Variants in INPP4B observed in about 807,000 individuals in gnomAD.
The protein encoded by INPP4B is inositol polyphosphate-4-phosphatase type II B, also known as inositol polyphosphate 4-phosphatase type II.
INPP4B carries 55 observed loss-of-function variants against 122.5 expected under a neutral mutation model. That is an observed-to-expected ratio of 0.45 (90% CI 0.36 to 0.56). The LOEUF (loss-of-function observed/expected upper bound fraction) is 0.56. INPP4B is among the 20% of genes least tolerant of loss of function. The pLI is 0.00. For synonymous variants in INPP4B, 403 were observed against 388.7 expected (o/e 1.04, Z -0.43); for missense variants, 1,000 against 1,097.7 (o/e 0.91, Z 1.26).
intron 2 of INPP4B, among the ~76,000 whole-genome samples, chr4:142,609,507 C>T (rs1276056004): frequency 6.6e-6 from 1 of 152,128 alleles, no homozygotes; most frequent in Non-Finnish European, 1.5e-5. Context: ...CCATGTTAGC[C>T]TCACATTGGT....
chr4:142,655,606 A>C (rs1753977552), intron 2 of INPP4B, among the ~76,000 whole-genome samples: 2 of 152,206 alleles, frequency 1.3e-5, no homozygotes, highest in African/African-American at 4.8e-5. Flanking sequence ...GTCTACGATT[A>C]AGTAACAAGA....
At chr4:142,395,243 GAAA>G (rs1041523924) in intron 7 of INPP4B, among the ~76,000 whole-genome samples, 5 of 152,134 alleles carry the variant, frequency 3.3e-5, no homozygotes, top group African/African-American at 9.7e-5. Flanking sequence ...AAATTCCAGA[GAAA>G]AGGAAATGAA....
chr4:142,266,981 T>C (rs1235244960), intron 10 of INPP4B, among the ~76,000 whole-genome samples: 1 of 152,134 alleles, frequency 6.6e-6, no homozygotes, highest in East Asian at 1.9e-4. Flanking sequence ...AAAAAAATAC[T>C]TATAAGTAAA....
At chr4:142,493,275 G>A (rs777468243) in intron 2 of INPP4B, among the ~76,000 whole-genome samples, 1 of 152,212 alleles carries the variant, frequency 6.6e-6, no homozygotes, top group Non-Finnish European at 1.5e-5. Flanking sequence ...CCCTGTGGAA[G>A]GGAAATGTGG....
chr4:142,248,141 C>T (rs1729876003), intron 11 of INPP4B, among the ~76,000 whole-genome samples: 2 of 152,128 alleles, frequency 1.3e-5, no homozygotes, highest in South Asian at 4.2e-4. Flanking sequence ...TGCTGACCAC[C>T]CCCATCCCAA....
At chr4:142,326,010 G>T (rs1772220972) in intron 7 of INPP4B, among the ~76,000 whole-genome samples, 1 of 152,198 alleles carries the variant, frequency 6.6e-6, no homozygotes, top group South Asian at 2.1e-4. Context: ...TACAGGATCT[G>T]CTGAAAATAA....
chr4:142,061,677 C>T (rs1760697545), intron 25 of INPP4B, among the ~76,000 whole-genome samples: 1 of 151,426 alleles, frequency 6.6e-6, no homozygotes, highest in South Asian at 2.1e-4. Flanking sequence ...TCAGGAGTCA[C>T]AACGATTGGG....
At chr4:142,691,467 G>A (rs1335445949) in intron 2 of INPP4B, among the ~76,000 whole-genome samples, 1 of 151,732 alleles carries the variant, frequency 6.6e-6, no homozygotes, top group East Asian at 1.9e-4. Flanking sequence ...GTCAAACTAT[G>A]ATGTACCTTT....
intron 25 of INPP4B, among the ~76,000 whole-genome samples, chr4:142,069,159 G>C (rs1332880612): frequency 3.3e-5 from 5 of 152,110 alleles, no homozygotes; most frequent in Non-Finnish European, 5.9e-5. Context: ...AATCAAACTA[G>C]AACTCAGGAT....
intron 1 of INPP4B, among the ~76,000 whole-genome samples, chr4:142,793,978 T>A (rs1776890026): frequency 6.6e-6 from 1 of 152,110 alleles, no homozygotes; most frequent in Non-Finnish European, 1.5e-5. Context: ...ATGTCAGTTC[T>A]ACTCAAATTG....
Position 142,112,638 on chromosome 4 carries a change from T to A in INPP4B, c.2180A>T (p.Glu727Val). 2.5e-6 allele frequency: 4 copies of A among 1,613,044 alleles called. No homozygotes were observed. Among genetic ancestry groups the A allele is most frequent in the Non-Finnish European group, 3.4e-6 (4 of 1,179,372 alleles). The stretch of plus-strand genomic sequence containing the variant: ...TTCTTTAATCTGTAGAGGTAGTGAC[T>A]CAAACATTCTGGCTGGAAGCTTGAC... ...VEVKLPARMFESLPLQIKEGQ... is the reference protein window; with the variant it reads ...VEVKLPARMFVSLPLQIKEGQ... The change falls in exon 22 of 26, where the codon GAG (glutamate) becomes GTG (valine). Residue 727 changes from glutamate (E) to valine (V), a missense_variant. Physicochemically the swap from Glu to Val is moderately radical, Grantham distance 121. Coordinates refer to ENST00000262992, the MANE Select transcript of INPP4B (RefSeq NM_001101669.3).
chr4:142,129,138 G>A (rs1800044303), intron 18 of INPP4B, among the ~76,000 whole-genome samples: 2 of 152,190 alleles, frequency 1.3e-5, no homozygotes, highest in Admixed American at 6.5e-5. Flanking sequence ...GTAACAAGAT[G>A]ATGAACTGTG....
At chr4:142,476,265 T>C (rs1381514279) in intron 2 of INPP4B, among the ~76,000 whole-genome samples, 1 of 152,218 alleles carries the variant, frequency 6.6e-6, no homozygotes, top group African/African-American at 2.4e-5. Context: ...AGAAATAAGA[T>C]ACTTTTCAGA....
At chr4:142,249,167 A>C (rs1194903889) in intron 11 of INPP4B, among the ~76,000 whole-genome samples, 1 of 152,176 alleles carries the variant, frequency 6.6e-6, no homozygotes, top group South Asian at 2.1e-4. Flanking sequence ...TTGGATTCCA[A>C]CTCACACAGT....
chr4:142,228,658 ATAAAGT>A (rs10594384), intron 12 of INPP4B, among the ~76,000 whole-genome samples: 24,624 of 151,792 alleles, frequency 0.16, 2,074 homozygotes, highest in South Asian at 0.27. Context: ...TGATCTCAGA[ATAAAGT>A]TAAACTTTCT....
intron 9 of INPP4B, among the ~76,000 whole-genome samples, chr4:142,304,205 A>G (rs938398241): frequency 1.3e-5 from 2 of 152,072 alleles, no homozygotes; most frequent in Non-Finnish European, 1.5e-5. Flanking sequence ...GAATGATGAT[A>G]TTTTCTAGGT....
At chr4:142,743,838 C>A (rs1768256631) in intron 1 of INPP4B, among the ~76,000 whole-genome samples, 1 of 151,404 alleles carries the variant, frequency 6.6e-6, no homozygotes, top group African/African-American at 2.4e-5. Context: ...AAATGTATAC[C>A]CTGGGATACA....
At chr4:142,783,749 G>A (rs139179768) in intron 1 of INPP4B, among the ~76,000 whole-genome samples, 76 of 152,184 alleles carry the variant, frequency 5.0e-4, no homozygotes, top group African/African-American at 1.2e-3. Context: ...TTCATGTAGC[G>A]TATTACTTGC....
chr4:142,723,216 T>A (rs1444892318), intron 2 of INPP4B, among the ~76,000 whole-genome samples: 1 of 152,112 alleles, frequency 6.6e-6, no homozygotes, highest in Admixed American at 6.5e-5. Flanking sequence ...GCTGAATTCT[T>A]AATATGCTAT....
Sources: gnomAD v4.1 joint callset for allele counts (sites outside exome capture counted in the v4.1 genomes callset) on GRCh38, gnomAD v4.1.1 for gene constraint, MANE v1.5 for transcripts, NCBI Gene and HGNC (gene_info 2026-07-23, HGNC 2026-07-21) for gene names.